The following THSD4 variants were observed in gnomAD, a reference collection of about 807,000 sequenced individuals.
THSD4 encodes the protein thrombospondin type-1 domain-containing protein 4.
In THSD4, 69 loss-of-function variants were observed where a neutral mutation model predicts 119.0. The ratio of observed to expected loss-of-function variants is 0.58; its 90% CI spans 0.48 to 0.71. The LOEUF (loss-of-function observed/expected upper bound fraction) is 0.71. THSD4 is among the 30% of genes least tolerant of loss of function. THSD4 has a pLI of 0.00. For missense variants in THSD4, 1,393 were observed against 1,391.1 expected (o/e 1.00, Z -0.02); for synonymous variants, 524 against 540.4 (o/e 0.97, Z 0.42).
intron 6 of THSD4, among the ~76,000 whole-genome samples, chr15:71,408,203 A>ACCTTAATTT (rs1289159114): frequency 6.6e-6 from 1 of 151,990 alleles, no homozygotes; most frequent in African/African-American, 2.4e-5. Context: ...TCCATGCAAA[A>ACCTTAATTT]CCTTAATTTG....
chr15:71,777,229 C>T lies in THSD4; in HGVS notation c.2915-3C>T, dbSNP rs771500390. ...GTCTTCTGTTCATTCTCTTTCGCTA[C>T]AGATGAAAACTGCAAGGACAAGTAC... is the stretch of plus-strand genomic sequence containing the variant. On this transcript the variant is annotated splice_polypyrimidine_tract_variant and splice_region_variant and intron_variant, in intron 17 of 17. Coordinates refer to ENST00000261862, the MANE Select transcript of THSD4 (RefSeq NM_024817.3). 6.2e-7 allele frequency: 1 copy of T among 1,614,224 alleles called. No individual in the cohort carries two copies. Among genetic ancestry groups the T allele is most frequent in the South Asian group, 1.1e-5 (1 of 91,082 alleles).
intron 6 of THSD4, among the ~76,000 whole-genome samples, chr15:71,410,903 C>G (rs1455679482): frequency 6.6e-6 from 1 of 152,026 alleles, no homozygotes; most frequent in Non-Finnish European, 1.5e-5. Context: ...ACAAAATTAG[C>G]TGGCTGTGTT....
chr15:71,413,050 T>C (rs1307045257), intron 7 of THSD4, among the ~76,000 whole-genome samples: 2 of 152,202 alleles, frequency 1.3e-5, no homozygotes, highest in Non-Finnish European at 2.9e-5. Context: ...TCACTCTTGT[T>C]GCCCAGGCTG....
intron 7 of THSD4, among the ~76,000 whole-genome samples, chr15:71,605,255 T>G (rs1323265440): frequency 6.6e-6 from 1 of 152,214 alleles, no homozygotes; most frequent in Non-Finnish European, 1.5e-5. Flanking sequence ...ATATTTTGTT[T>G]GCCTGGGACC....
chr15:71,397,427 T>C (rs986134753), intron 6 of THSD4, among the ~76,000 whole-genome samples: 1 of 152,218 alleles, frequency 6.6e-6, no homozygotes, highest in African/African-American at 2.4e-5. Flanking sequence ...CAATATGTAT[T>C]TGCTGAGTAA....
intron 3 of THSD4, chr15:71,164,758 G>C: frequency 6.3e-7 from 1 of 1,590,592 alleles, no homozygotes; most frequent in Non-Finnish European, 8.5e-7. Flanking sequence ...AAAAAACTGC[G>C]CTAGAACCAA....
chr15:71,449,157 G>A (rs2047229963), intron 7 of THSD4, among the ~76,000 whole-genome samples: 1 of 152,186 alleles, frequency 6.6e-6, no homozygotes, highest in Non-Finnish European at 1.5e-5. Flanking sequence ...GGTGATCACA[G>A]AGGACACTCA....
intron 7 of THSD4, among the ~76,000 whole-genome samples, chr15:71,550,555 GCCTCC>G (rs1290548876): frequency 6.6e-6 from 1 of 152,142 alleles, no homozygotes. Flanking sequence ...TCCCACTTCA[GCCTCC>G]CAAGTAGCTG....
At chr15:71,373,827 G>A (rs1561711) in intron 6 of THSD4, among the ~76,000 whole-genome samples, 101,367 of 152,070 alleles carry the variant, frequency 0.67, 34,572 homozygotes, top group East Asian at 0.84. Flanking sequence ...CAGTGTTCCC[G>A]TTGAGAGTGA....
intron 7 of THSD4, among the ~76,000 whole-genome samples, chr15:71,484,082 C>G (rs1008049324): frequency 6.6e-6 from 1 of 152,132 alleles, no homozygotes; most frequent in Non-Finnish European, 1.5e-5. Context: ...TCACATTGGA[C>G]CCATTAACTA....
At chr15:71,395,655 C>T (rs996166777) in intron 6 of THSD4, among the ~76,000 whole-genome samples, 1 of 152,062 alleles carries the variant, frequency 6.6e-6, no homozygotes, top group East Asian at 1.9e-4. Context: ...GCAGGAGAAT[C>T]GCTTGAACCC....
At chr15:71,181,597 A>G (rs868524071) in intron 3 of THSD4, among the ~76,000 whole-genome samples, 15 of 152,330 alleles carry the variant, frequency 9.8e-5, no homozygotes, top group Middle Eastern at 6.8e-3. Context: ...CATAGAAGGA[A>G]CATCTCTGTC....
chr15:71,567,759 G>A (rs1036762302), intron 7 of THSD4, among the ~76,000 whole-genome samples: 5 of 136,000 alleles, frequency 3.7e-5, no homozygotes, highest in Admixed American at 7.6e-5. Context: ...AACAGCTGGA[G>A]AGAGAAAGAG....
intron 6 of THSD4, among the ~76,000 whole-genome samples, chr15:71,281,425 G>A (rs955184506): frequency 1.1e-4 from 17 of 152,178 alleles, no homozygotes; most frequent in African/African-American, 4.1e-4. Context: ...AGCGAAAGCT[G>A]GGAGCCTCTA....
intron 7 of THSD4, among the ~76,000 whole-genome samples, chr15:71,659,880 A>G: frequency 6.6e-6 from 1 of 152,302 alleles, no homozygotes; most frequent in East Asian, 1.9e-4. Flanking sequence ...GACCAGCTCT[A>G]CAGACAGCAC....
intron 7 of THSD4, among the ~76,000 whole-genome samples, chr15:71,652,431 T>C (rs1442483604): frequency 1.3e-5 from 2 of 152,240 alleles, no homozygotes; most frequent in Non-Finnish European, 2.9e-5. Flanking sequence ...ACTTTTATAA[T>C]AGAGCAATTA....
chr15:71,219,254 G>A (rs934146014), intron 4 of THSD4, among the ~76,000 whole-genome samples: 8 of 152,204 alleles, frequency 5.3e-5, no homozygotes, highest in East Asian at 1.9e-4. Context: ...AACCAGCATC[G>A]GAATCTCTAG....
rs897009945 is a variant in THSD4 at position 71,268,921 on chromosome 15, C to T, written c.1015+12206C>T. Among the ~76,000 whole-genome samples the T allele has an allele frequency of 7.2e-5, 11 of 151,958 alleles. No individual in the cohort carries two copies. In the East Asian group the frequency reaches 9.6e-4, roughly 13 times the overall value. On this transcript the variant is annotated intron_variant, in intron 6 of 17. Transcript: ENST00000261862. ...TTCCAAGACTAAACCAGGAAGAAGT[C>T]GAATCCCTGAATATACCAATAACAA... is the stretch of plus-strand genomic sequence containing the variant.
At chr15:71,561,899 C>A (rs868864061) in intron 7 of THSD4, among the ~76,000 whole-genome samples, 9,171 of 144,452 alleles carry the variant, frequency 0.063, 1,075 homozygotes, top group African/African-American at 0.22. Context: ...CACACACACA[C>A]ACACACACAC....
Sources: allele counts gnomAD v4.1 joint callset (sites outside exome capture counted in the v4.1 genomes callset), GRCh38; gene constraint gnomAD v4.1.1; transcripts MANE v1.5; gene names NCBI Gene and HGNC (gene_info 2026-07-23, HGNC 2026-07-21).